The following GRIN2B variants were observed in gnomAD, a reference collection of about 807,000 sequenced individuals.
The protein encoded by GRIN2B is glutamate receptor ionotropic, NMDA 2B.
In GRIN2B, 5 loss-of-function variants were observed where a neutral mutation model predicts 114.5. The ratio of observed to expected loss-of-function variants is 0.04; its 90% confidence interval spans 0.02 to 0.09. The LOEUF (loss-of-function observed/expected upper bound fraction) is 0.09, where lower values mean the gene tolerates loss of function less well. Ranked by LOEUF, GRIN2B falls within the 10% of genes least tolerant of loss-of-function variation. The pLI is 1.00. For synonymous variants in GRIN2B, 787 were observed against 745.1 expected (o/e 1.06, Z -0.92); for missense variants, 1,108 against 1,943.5 (o/e 0.57, Z 8.08).
chr12:13,614,865 G>T (rs1190480173), intron 8 of GRIN2B, among the ~76,000 whole-genome samples: 1 of 152,124 alleles, frequency 6.6e-6, no homozygotes, highest in African/African-American at 2.4e-5. Flanking sequence ...ACTACAGTAA[G>T]CCCTCTGAGG....
At chr12:13,889,123 C>T (rs917259720) in intron 2 of GRIN2B, among the ~76,000 whole-genome samples, 6 of 152,004 alleles carry the variant, frequency 3.9e-5, no homozygotes, top group African/African-American at 1.4e-4. Flanking sequence ...TTTGTTTTGG[C>T]TTTTAGATTT....
chr12:13,708,355 A>G (rs890270963), intron 4 of GRIN2B, among the ~76,000 whole-genome samples: 6 of 152,084 alleles, frequency 3.9e-5, no homozygotes, highest in African/African-American at 1.4e-4. Flanking sequence ...GAGATTAAGA[A>G]AAGTCACCAG....
chr12:13,877,749 G>A (rs1428982137), intron 2 of GRIN2B, among the ~76,000 whole-genome samples: 7 of 151,914 alleles, frequency 4.6e-5, no homozygotes, highest in Non-Finnish European at 8.8e-5. Flanking sequence ...GTGAATTCTG[G>A]TCTTCCACTC....
intron 5 of GRIN2B, among the ~76,000 whole-genome samples, chr12:13,643,741 C>A (rs201775439): frequency 9.9e-5 from 15 of 152,096 alleles, no homozygotes; most frequent in East Asian, 1.9e-4. Context: ...ATTCTAAATT[C>A]TTTTTCGTTA....
chr12:13,815,644 TA>T (rs1042711085), intron 3 of GRIN2B, among the ~76,000 whole-genome samples: 2 of 152,016 alleles, frequency 1.3e-5, no homozygotes, highest in Admixed American at 6.6e-5. Context: ...CAGAGAAGTT[TA>T]AAAAAAATTG....
At chr12:13,643,258 C>T (rs1163205790) in intron 5 of GRIN2B, among the ~76,000 whole-genome samples, 2 of 151,988 alleles carry the variant, frequency 1.3e-5, no homozygotes, top group Admixed American at 1.3e-4. Flanking sequence ...GGTTCTAGAC[C>T]ACCACAATAA....
chr12:13,883,701 A>G (rs940865278), intron 2 of GRIN2B, among the ~76,000 whole-genome samples: 52 of 152,032 alleles, frequency 3.4e-4, no homozygotes, highest in African/African-American at 1.0e-3. Context: ...CCTTTATATA[A>G]AATATGTATT....
At chr12:13,592,393 C>G (rs1456335751) in intron 10 of GRIN2B, among the ~76,000 whole-genome samples, 2 of 152,180 alleles carry the variant, frequency 1.3e-5, no homozygotes, top group African/African-American at 4.8e-5. Context: ...CAGCATGACC[C>G]TATAAAACTC....
chr12:13,810,388 A>C (rs1388576652), intron 3 of GRIN2B, among the ~76,000 whole-genome samples: 1 of 151,862 alleles, frequency 6.6e-6, no homozygotes, highest in African/African-American at 2.4e-5. Flanking sequence ...TTGGTTTTCC[A>C]TCTGTGTCCT....
intron 2 of GRIN2B, among the ~76,000 whole-genome samples, chr12:13,938,308 T>C (rs1485236811): frequency 2.0e-5 from 3 of 151,996 alleles, no homozygotes; most frequent in Non-Finnish European, 2.9e-5. Flanking sequence ...AAGACCCAAC[T>C]ATATGTTATT....
intron 2 of GRIN2B, among the ~76,000 whole-genome samples, chr12:13,969,736 A>G (rs1867845165): frequency 6.6e-6 from 1 of 152,224 alleles, no homozygotes; most frequent in Non-Finnish European, 1.5e-5. Flanking sequence ...CAGACTTATC[A>G]ATAAACTAGA....
At chr12:13,838,123 T>C (rs944842604) in intron 3 of GRIN2B, among the ~76,000 whole-genome samples, 4 of 152,194 alleles carry the variant, frequency 2.6e-5, no homozygotes, top group Non-Finnish European at 4.4e-5. Context: ...TGCAAAAGGC[T>C]ACATATCGGA....
chr12:13,764,750 G>A (rs75575770), intron 3 of GRIN2B, among the ~76,000 whole-genome samples: 1,655 of 152,248 alleles, frequency 0.011, 22 homozygotes, highest in African/African-American at 0.035. Flanking sequence ...CATTTCACCC[G>A]GATACTTTTC....
intron 10 of GRIN2B, among the ~76,000 whole-genome samples, chr12:13,605,551 T>TCTCTCTCTCTCTCTCTCTCTCACA: frequency 2.5e-3 from 75 of 30,474 alleles, no homozygotes; most frequent in African/African-American, 7.7e-3. Flanking sequence ...TCTCTCTCTC[T>TCTCTCTCTCTCTCTCTCTCTCACA]GACACACACA....
intron 4 of GRIN2B, among the ~76,000 whole-genome samples, chr12:13,744,982 G>A (rs1041691546): frequency 2.0e-5 from 3 of 151,934 alleles, no homozygotes; most frequent in Admixed American, 6.6e-5. Context: ...AATCCTTATC[G>A]GCCACATCAG....
chr12:13,979,735 TAGATG>T, intron 2 of GRIN2B, among the ~76,000 whole-genome samples, 188 bp downstream of exon 2: 1 of 152,156 alleles, frequency 6.6e-6, no homozygotes, highest in Non-Finnish European at 1.5e-5. Context: ...CAAAACCTGT[TAGATG>T]AGAGAAGAAA....
intron 3 of GRIN2B, among the ~76,000 whole-genome samples, chr12:13,798,327 C>G (rs1864451745): frequency 6.6e-6 from 1 of 151,660 alleles, no homozygotes; most frequent in Non-Finnish European, 1.5e-5. Flanking sequence ...TGCAATGCAT[C>G]ATACCAGCCC....
intron 4 of GRIN2B, among the ~76,000 whole-genome samples, chr12:13,745,629 T>A (rs537578058): frequency 6.6e-6 from 1 of 152,346 alleles, no homozygotes; most frequent in South Asian, 2.1e-4. Context: ...ATATGTAAAT[T>A]CCATCCTACC....
At chr12:13,936,464 C>G (rs1024395558) in intron 2 of GRIN2B, among the ~76,000 whole-genome samples, 1 of 152,122 alleles carries the variant, frequency 6.6e-6, no homozygotes, top group African/African-American at 2.4e-5. Flanking sequence ...AAGATTGAGT[C>G]TTACCAAGTT....
Sources: gnomAD v4.1 joint callset for allele counts (sites outside exome capture counted in the v4.1 genomes callset) on GRCh38, gnomAD v4.1.1 for gene constraint, MANE v1.5 for transcripts, NCBI Gene and HGNC (gene_info 2026-07-23, HGNC 2026-07-21) for gene names.